The following AXDND1 variants were observed in gnomAD, a reference collection of about 807,000 sequenced individuals.
The protein encoded by AXDND1 is axonemal dynein light chain domain containing 1.
In AXDND1, 110 loss-of-function variants were observed where a neutral mutation model predicts 137.5. The observed-to-expected ratio is 0.80, with a 90% CI of 0.69 to 0.94. The LOEUF is 0.94. AXDND1 is among the 40% of genes least tolerant of loss of function. AXDND1 has a pLI of 0.00. For synonymous variants in AXDND1, 414 were observed against 399.7 expected (o/e 1.04, Z -0.43); for missense variants, 1,191 against 1,169.8 (o/e 1.02, Z -0.26).
At chr1:179,514,740 G>T (rs142731856) in intron 21 of AXDND1, among the ~76,000 whole-genome samples, 2 of 152,174 alleles carry the variant, frequency 1.3e-5, no homozygotes, top group African/African-American at 4.8e-5. Flanking sequence ...ACAAATTTGG[G>T]AGCACCAGTG....
At chr1:179,438,855 A>G (rs12118625) in intron 15 of AXDND1, among the ~76,000 whole-genome samples, 14,394 of 152,244 alleles carry the variant, frequency 0.095, 1,016 homozygotes, top group East Asian at 0.35. Context: ...ATAATATTCC[A>G]ACCCAGATGT....
chr1:179,406,177 T>G (rs373511077), intron 11 of AXDND1, among the ~76,000 whole-genome samples: 26 of 76,318 alleles, frequency 3.4e-4, no homozygotes, highest in African/African-American at 1.0e-3. Flanking sequence ...AAAGTTTCTC[T>G]TGTTATTAAT....
Position 179,495,987 on chromosome 1 carries a change from T to C in AXDND1, c.2388+3036T>C, listed in dbSNP as rs1667411717. On this transcript the variant is annotated intron_variant, in intron 20 of 25. Transcript: ENST00000367618. ...TTGAGATGCTCGTGAGTTGTCTTTT[T>C]TAGTGCGTTAATATGGTGAATTACA... Among the ~76,000 whole-genome samples, 4 of 151,714 alleles carry C rather than the reference T, an allele frequency of 2.6e-5. No individual in the cohort carries two copies. In the South Asian group the frequency reaches 8.3e-4, roughly 31 times the overall value.
intron 11 of AXDND1, among the ~76,000 whole-genome samples, chr1:179,399,696 C>T (rs921065713): frequency 6.6e-6 from 1 of 152,142 alleles, no homozygotes; most frequent in African/African-American, 2.4e-5. Flanking sequence ...GGACTAATAT[C>T]CAGAATCTAC....
chr1:179,421,980 C>T (rs1291260456), intron 12 of AXDND1, among the ~76,000 whole-genome samples: 4 of 146,892 alleles, frequency 2.7e-5, no homozygotes, highest in South Asian at 2.3e-4. Flanking sequence ...GCAGAGGTTG[C>T]GGTGAGCCAA....
At chr1:179,455,116 GA>G (rs1268889897) in intron 16 of AXDND1, 3 of 138,454 alleles carry the variant, frequency 2.2e-5, no homozygotes, top group African/African-American at 6.3e-5. Context: ...AAAGAAAAAA[GA>G]AAAAAATTAG....
chr1:179,470,395 C>T (rs937812389), intron 17 of AXDND1, among the ~76,000 whole-genome samples: 2 of 152,118 alleles, frequency 1.3e-5, no homozygotes, highest in African/African-American at 4.8e-5. Context: ...ATCTGTACAT[C>T]AGAATGGGAA....
intron 21 of AXDND1, among the ~76,000 whole-genome samples, chr1:179,523,262 A>T (rs1322814303): frequency 2.7e-5 from 4 of 148,424 alleles, no homozygotes; most frequent in Non-Finnish European, 6.0e-5. Context: ...TTTTTGAGGC[A>T]GCAATTTCCT....
intron 9 of AXDND1, among the ~76,000 whole-genome samples, chr1:179,386,812 ACTCCTGAGCTCAAGTGATC>A (rs1649296657): frequency 6.6e-6 from 1 of 151,352 alleles, no homozygotes; most frequent in Admixed American, 6.6e-5. Flanking sequence ...GCAGCCTTGA[ACTCCTGAGCTCAAGTGATC>A]CGCCTACCTC....
chr1:179,406,532 C>T (rs57993776), intron 11 of AXDND1, among the ~76,000 whole-genome samples: 53,003 of 151,946 alleles, frequency 0.35, 9,437 homozygotes, highest in Middle Eastern at 0.44. Flanking sequence ...CATCTGGGTG[C>T]TCCAGGGTTG....
intron 14 of AXDND1, 102 bp from the exon 15 acceptor site, chr1:179,432,165 T>A (rs1657466562): frequency 7.2e-7 from 1 of 1,383,108 alleles, no homozygotes; most frequent in African/African-American, 1.5e-5. Context: ...TCAAAATTAT[T>A]GAGGAGAAAT....
At chr1:179,441,750 A>T (rs1437251652) in intron 15 of AXDND1, among the ~76,000 whole-genome samples, 1 of 152,254 alleles carries the variant, frequency 6.6e-6, no homozygotes. Context: ...GTGCCATTTA[A>T]CATTCCAGGT....
At position 179,382,736 on chromosome 1, in the gene AXDND1, G is replaced by T; in HGVS notation, c.618G>T (p.Arg206Ser). The change falls in exon 7 of 26, where the codon AGG becomes AGT. Residue 206 changes from arginine (R) to serine (S), a missense_variant. Physicochemically the swap from Arg to Ser is moderately radical, Grantham distance 110. Coordinates refer to ENST00000367618, the MANE Select transcript of AXDND1 (RefSeq NM_144696.6). ...CTCTCCTCACAGATAGTGAAAACAG[G>T]CTATTGCTCTTCCCATCCATGTAAG... The part of the protein sequence containing the change: ...YTTLLTDSEN[R>S]LLLFPSMKPN... 6.3e-7 allele frequency: 1 copy of T among 1,599,992 alleles called. No individual in the cohort carries two copies. Among genetic ancestry groups the T allele is most frequent in the Admixed American group, 1.7e-5 (1 of 59,870 alleles).
rs1217999406 is a variant in AXDND1, at chr1:179,488,618, TTC to T, written c.2092-2905_2092-2904del. Among the ~76,000 whole-genome samples the T allele has an allele frequency of 6.9e-5, 6 of 86,604 alleles. 2 individuals carry two copies. Among genetic ancestry groups the T allele is most frequent in the East Asian group, 5.3e-4 (1 of 1,888 alleles). The allele number at this position is 86,604 out of a possible 152,430, so 56.8% of individuals were successfully genotyped here. ...TCTTTCTTTCTTTTTCTTTCTTTCT[TTC>T]TCTCTCTCTCTCTCCTTTCTTTCTT... On this transcript the variant is annotated intron_variant, in intron 18 of 25. Transcript: ENST00000367618.
chr1:179,383,558 C>G lies in AXDND1; in HGVS notation c.741+14C>G. The G allele has an allele frequency of 6.3e-7, 1 of 1,590,448 alleles. No individual in the cohort carries two copies. Among genetic ancestry groups the G allele is most frequent in the Non-Finnish European group, 8.6e-7 (1 of 1,159,226 alleles). Reference sequence around the variant, plus strand: ...GGACCAACGAAGGTAATTGCAAAGCCGAATGCAACCTGGTGGCTAAGAGCA... The same window carrying G: ...GGACCAACGAAGGTAATTGCAAAGCGGAATGCAACCTGGTGGCTAAGAGCA... On this transcript the variant is annotated intron_variant, in intron 8 of 25. Transcript: ENST00000367618.
rs748143352 is a variant in AXDND1, at chr1:179,547,617, C to T, written c.3032-6895C>T. ...CCTGCAAGACTGCAGTGGCTTCTGT[C>T]GGTTTGGAGGGCATCCTCTGGTATT... On this transcript the variant is annotated intron_variant, in intron 25 of 25. Coordinates refer to ENST00000367618, the MANE Select transcript of AXDND1 (RefSeq NM_144696.6). Among the ~76,000 whole-genome samples, 175 of 152,278 alleles carry T rather than the reference C, an allele frequency of 1.1e-3. 1 individual carries two copies. Among genetic ancestry groups the T allele is most frequent in the Admixed American group, 3.7e-3 (57 of 15,298 alleles).
chr1:179,458,484 A>T (rs1440445804), intron 16 of AXDND1, among the ~76,000 whole-genome samples: 4 of 152,130 alleles, frequency 2.6e-5, no homozygotes, highest in African/African-American at 9.7e-5. Context: ...TATTTATGAC[A>T]GTAGGTGCAA....
chr1:179,391,127 T>C (rs936387878), intron 9 of AXDND1, among the ~76,000 whole-genome samples: 8 of 144,562 alleles, frequency 5.5e-5, no homozygotes, highest in Non-Finnish European at 7.6e-5. Flanking sequence ...TTTTTTTTTT[T>C]CCTATATTGT....
chr1:179,430,003 T>C (rs1657138584), intron 13 of AXDND1, among the ~76,000 whole-genome samples: 1 of 150,316 alleles, frequency 6.7e-6, no homozygotes, highest in Non-Finnish European at 1.5e-5. Context: ...AGTCAAAGCA[T>C]TTACACTAGT....
Sources: gnomAD v4.1 joint callset for allele counts (sites outside exome capture counted in the v4.1 genomes callset) on GRCh38, gnomAD v4.1.1 for gene constraint, MANE v1.5 for transcripts, NCBI Gene and HGNC (gene_info 2026-07-23, HGNC 2026-07-21) for gene names.